Variants in CDK7 observed in about 807,000 individuals in gnomAD.
The protein encoded by CDK7 is cyclin-dependent kinase 7.
Under a neutral mutation model 49.1 loss-of-function variants are expected in CDK7, and 25 were observed. The observed-to-expected ratio is 0.51, with a 90% CI of 0.37 to 0.71. The LOEUF (loss-of-function observed/expected upper bound fraction) is 0.71, where lower values mean the gene tolerates loss of function less well. CDK7 is among the 30% of genes least tolerant of loss of function. The pLI, the probability that CDK7 is intolerant of heterozygous loss-of-function variation, is 0.00. For synonymous variants in CDK7, 107 were observed against 140.0 expected (o/e 0.76, Z 1.67); for missense variants, 316 against 411.7 (o/e 0.77, Z 2.01).
rs776741203 is a variant in CDK7, at chr5:69,235,391, T to C, written c.67-3T>C. The C allele has an allele frequency of 6.3e-7, 1 of 1,590,442 alleles. No homozygotes were observed. The highest frequency in any genetic ancestry group is 8.6e-7 in the Non-Finnish European group (1 of 1,158,968). On this transcript the variant is annotated splice_region_variant and splice_polypyrimidine_tract_variant and intron_variant, in intron 1 of 11. Coordinates refer to ENST00000256443, the MANE Select transcript of CDK7 (RefSeq NM_001799.4). ...CTTATGTTATTTCTATTTTTCTTTC[T>C]AGTTTGCCACCGTTTACAAGGCCAG...
intron 8 of CDK7, among the ~76,000 whole-genome samples, chr5:69,268,778 A>G (rs948078928): frequency 2.0e-5 from 3 of 146,614 alleles, no homozygotes; most frequent in Non-Finnish European, 4.5e-5. Flanking sequence ...ACCTGAACCC[A>G]GGAGGCGGAG....
intron 2 of CDK7, among the ~76,000 whole-genome samples, chr5:69,250,551 G>A (rs1750070451): frequency 6.6e-6 from 1 of 152,036 alleles, no homozygotes; most frequent in Admixed American, 6.6e-5. Context: ...GATGCTGCCA[G>A]GCCTGGGACT....
chr5:69,262,337 TG>T (rs1694217383), intron 8 of CDK7, 33 bp downstream of exon 8: 1 of 1,613,270 alleles, frequency 6.2e-7, no homozygotes, highest in African/African-American at 1.3e-5. Context: ...ACTTTAATAT[TG>T]TTGTTGCAGT....
intron 2 of CDK7, among the ~76,000 whole-genome samples, chr5:69,242,368 A>C (rs1749451167): frequency 1.3e-5 from 2 of 152,138 alleles, no homozygotes; most frequent in Admixed American, 1.3e-4. Flanking sequence ...GCCCTGACTC[A>C]GTTCCTAAGT....
chr5:69,276,789 G>GCT (rs1239175909), intron 11 of CDK7, 99 bp downstream of exon 11: 4 of 995,624 alleles, frequency 4.0e-6, no homozygotes, highest in African/African-American at 1.6e-5. Flanking sequence ...AATGTAGCTT[G>GCT]CTAGCTATTT....
rs1015732376 is a variant in CDK7, at chr5:69,275,808, C to T, written c.865-735C>T. Among the ~76,000 whole-genome samples, 7 of 152,050 alleles carry T rather than the reference C, an allele frequency of 4.6e-5. No homozygotes were observed. In the East Asian group the frequency reaches 9.6e-4, roughly 21 times the overall value. Reference sequence around the variant, plus strand: ...GGCCAATATAGCAAGACCCCATTCTCCACAAAAAATAAGTGTAAAATTACC... The same window carrying T: ...GGCCAATATAGCAAGACCCCATTCTTCACAAAAAATAAGTGTAAAATTACC... On this transcript the variant is annotated intron_variant, in intron 10 of 11. Transcript: ENST00000256443.
At chr5:69,256,178 A>T (rs985014561) in intron 5 of CDK7, among the ~76,000 whole-genome samples, 18 of 151,950 alleles carry the variant, frequency 1.2e-4, no homozygotes, top group Admixed American at 1.1e-3. Flanking sequence ...CTGTAATCTC[A>T]GCACTTTGAG....
chr5:69,261,197 A>C (rs1251154621), intron 7 of CDK7, among the ~76,000 whole-genome samples: 1 of 152,208 alleles, frequency 6.6e-6, no homozygotes. Context: ...AGCCCTGAGT[A>C]AGAAGTAGGG....
In CDK7 at chr5:69,267,334, T is replaced by C. The variant is rs958473996; in HGVS notation, c.628-1873T>C. Among the ~76,000 whole-genome samples the C allele has an allele frequency of 1.4e-4, 20 of 142,064 alleles. No individual in the cohort carries two copies. In the Admixed American group the frequency reaches 1.5e-3, roughly 11 times the overall value. 93.2% of individuals were successfully genotyped at this position (142,064 alleles called of 152,430 possible). On this transcript the variant is annotated intron_variant, in intron 8 of 11. Coordinates refer to ENST00000256443, the MANE Select transcript of CDK7 (RefSeq NM_001799.4). Reference sequence around the variant, plus strand: ...TTTTTTTTTTTTGAGACAGAGTCTTTGTCGCCCAGGCTGGAGTGCGGTGGC... The same window carrying C: ...TTTTTTTTTTTTGAGACAGAGTCTTCGTCGCCCAGGCTGGAGTGCGGTGGC...
chr5:69,269,118 G>A (rs1023506852), intron 8 of CDK7, 89 bp from the exon 9 acceptor site: 27 of 757,862 alleles, frequency 3.6e-5, no homozygotes, highest in Non-Finnish European at 5.7e-5. Context: ...CAGCCTGGGT[G>A]ACAGAGCGAG....
intron 9 of CDK7, among the ~76,000 whole-genome samples, chr5:69,269,959 C>T (rs1281078768): frequency 6.7e-6 from 1 of 148,580 alleles, no homozygotes; most frequent in Admixed American, 6.8e-5. Context: ...TTGGTGGGTG[C>T]GATGGCTCAC....
intron 9 of CDK7, among the ~76,000 whole-genome samples, chr5:69,270,682 C>T (rs2150230045): frequency 6.6e-6 from 1 of 152,280 alleles, no homozygotes; most frequent in African/African-American, 2.4e-5. Flanking sequence ...GTAATTTTGT[C>T]ATTTCAAGAA....
At chr5:69,274,721 T>G (rs1751932017) in intron 10 of CDK7, among the ~76,000 whole-genome samples, 1 of 151,746 alleles carries the variant, frequency 6.6e-6, no homozygotes, top group African/African-American at 2.4e-5. Flanking sequence ...GTACAAGCGA[T>G]TCTCCTGTCT....
intron 8 of CDK7, among the ~76,000 whole-genome samples, chr5:69,265,016 C>A (rs1751053773): frequency 6.6e-6 from 1 of 151,104 alleles, no homozygotes; most frequent in African/African-American, 2.4e-5. Context: ...GCAATCCCAG[C>A]ACTTTGGGAG....
intron 2 of CDK7, among the ~76,000 whole-genome samples, chr5:69,240,180 T>G (rs1228351356): frequency 1.3e-5 from 2 of 151,818 alleles, no homozygotes; most frequent in African/African-American, 4.8e-5. Context: ...GGTTTGTTTG[T>G]TTTTTTTCCC....
intron 2 of CDK7, 26 bp downstream of exon 2, chr5:69,235,479 T>TA (rs1748906101): frequency 6.8e-7 from 1 of 1,479,506 alleles, no homozygotes; most frequent in Non-Finnish European, 9.4e-7. Flanking sequence ...ATGTTGTTTT[T>TA]AAGTCTCCTT....
At chr5:69,256,862 AG>A (rs1318690201) in intron 5 of CDK7, among the ~76,000 whole-genome samples, 1 of 152,048 alleles carries the variant, frequency 6.6e-6, no homozygotes, top group Non-Finnish European at 1.5e-5. Flanking sequence ...TCTCGAAAAA[AG>A]AAAAAAAAAA....
chr5:69,236,514 G>T (rs866616579), intron 2 of CDK7, among the ~76,000 whole-genome samples: 11 of 150,692 alleles, frequency 7.3e-5, no homozygotes, highest in African/African-American at 2.7e-4. Flanking sequence ...CTCCTTGGAA[G>T]TTATCCATAT....
At chr5:69,261,490 C>CTGTGTG (rs1168767153) in intron 7 of CDK7, among the ~76,000 whole-genome samples, 4,074 of 139,590 alleles carry the variant, frequency 0.029, 76 homozygotes, top group East Asian at 0.074. Flanking sequence ...AAAAGGTTCT[C>CTGTGTG]TGTGTGTGTG....
Sources: gnomAD v4.1 joint callset for allele counts (sites outside exome capture counted in the v4.1 genomes callset) on GRCh38, gnomAD v4.1.1 for gene constraint, MANE v1.5 for transcripts, NCBI Gene and HGNC (gene_info 2026-07-23, HGNC 2026-07-21) for gene names.